The following ZC3H7A variants were observed in gnomAD, a reference collection of about 807,000 sequenced individuals.
ZC3H7A encodes zinc finger CCCH-type containing 7A, also known as zinc finger CCCH domain-containing protein 7A.
Under a neutral mutation model 125.5 loss-of-function variants are expected in ZC3H7A, and 44 were observed. That is an observed-to-expected ratio of 0.35 (90% CI 0.28 to 0.45). The LOEUF is 0.45. Ranked by LOEUF, ZC3H7A falls within the 20% of genes least tolerant of loss-of-function variation. The pLI is 1.00. For synonymous variants in ZC3H7A, 399 were observed against 391.2 expected, an observed-to-expected ratio of 1.02 and a Z score of -0.23; for missense variants, 977 against 1,170.7, an observed-to-expected ratio of 0.83 and a Z score of 2.41.
intron 12 of ZC3H7A, 110 bp downstream of exon 12, chr16:11,768,205 T>G (rs2052895587): frequency 1.8e-6 from 2 of 1,116,492 alleles, no homozygotes; most frequent in African/African-American, 3.2e-5. Flanking sequence ...AAATAGGGAT[T>G]GAAGAACCAT....
intron 21 of ZC3H7A, 188 bp from the exon 22 acceptor site, chr16:11,753,020 A>G: frequency 1.7e-6 from 1 of 586,410 alleles, no homozygotes; most frequent in Non-Finnish European, 2.9e-6. Context: ...AGGGTGACAA[A>G]TGCTGCCAGC....
At chr16:11,752,305 T>C (rs911065761) in intron 22 of ZC3H7A, among the ~76,000 whole-genome samples, 5 of 152,218 alleles carry the variant, frequency 3.3e-5, no homozygotes, top group Admixed American at 1.3e-4. Flanking sequence ...GTAAAAGCCA[T>C]TTCAAATCTG....
chr16:11,785,428 C>T (rs993368680), intron 1 of ZC3H7A, among the ~76,000 whole-genome samples: 1 of 151,980 alleles, frequency 6.6e-6, no homozygotes, highest in African/African-American at 2.4e-5. Flanking sequence ...ATGGCTTGAA[C>T]CCATGAGGTC....
Position 11,774,379 on chromosome 16 carries a change from C to A in ZC3H7A, c.760G>T (p.Ala254Ser), listed in dbSNP as rs750797587. ...SILPLQVEES[A>S]LPSAVLANGG... ...TTTGCCAGCACTGCAGATGGCAGAGCGCTCTCTTCCACTTGTAGTGGCAAA... is the reference window on the plus strand; with the variant it reads ...TTTGCCAGCACTGCAGATGGCAGAGAGCTCTCTTCCACTTGTAGTGGCAAA... Residue 254 changes from alanine to serine, a missense_variant, in exon 9 of 23, where the codon GCT becomes TCT. Around this residue, in one of 3 missense-constraint regions of ZC3H7A, gnomAD observed 342 missense variants for 311.3 expected, o/e 1.10. Coordinates refer to ENST00000355758, the MANE Select transcript of ZC3H7A (RefSeq NM_014153.4). 4.3e-6 allele frequency: 7 copies of A among 1,613,724 alleles called. No homozygotes were observed. In the African/African-American group the frequency reaches 5.3e-5, roughly 12 times the overall value.
At chr16:11,789,675 T>G (rs2141219795) in intron 1 of ZC3H7A, among the ~76,000 whole-genome samples, 1 of 152,336 alleles carries the variant, frequency 6.6e-6, no homozygotes. Flanking sequence ...GATATGGTTG[T>G]ACCATAATTT....
intron 21 of ZC3H7A, among the ~76,000 whole-genome samples, chr16:11,755,430 T>C (rs9927951): frequency 0.042 from 6,464 of 152,244 alleles, 481 homozygotes; most frequent in African/African-American, 0.15. Flanking sequence ...CTTCACTTTT[T>C]TGAAATTTTT....
chr16:11,757,939 G>A (rs1283790485), intron 20 of ZC3H7A, among the ~76,000 whole-genome samples: 1 of 152,100 alleles, frequency 6.6e-6, no homozygotes, highest in Non-Finnish European at 1.5e-5. Context: ...GGCTGTCTGC[G>A]GCTCCTCTCA....
At chr16:11,763,264 C>T (rs1219487297) in intron 16 of ZC3H7A, 6 of 370,152 alleles carry the variant, frequency 1.6e-5, no homozygotes, top group Non-Finnish European at 2.4e-5. Flanking sequence ...CCCACCACCA[C>T]GCCCGATTAA....
chr16:11,768,292 C>T, intron 12 of ZC3H7A, 23 bp downstream of exon 12: 3 of 1,444,640 alleles, frequency 2.1e-6, no homozygotes, highest in Non-Finnish European at 2.8e-6. Flanking sequence ...TTAATACTCT[C>T]TGCGTGTTTG....
Position 11,751,267 on chromosome 16 carries a change from A to G in ZC3H7A, c.*50T>C, listed in dbSNP as rs373399992. The G allele has an allele frequency of 2.9e-5, 44 of 1,540,706 alleles. 1 individual carries two copies. The highest frequency in any genetic ancestry group is 1.8e-4 in the Middle Eastern group (1 of 5,566). On this transcript the variant is annotated 3_prime_UTR_variant, in exon 23 of 23. Transcript: ENST00000355758. ...TGCTATGTGCCTCAGAACACTTTCA[A>G]TTTTTCTGGTCAATGCTCTGATTAG... is the stretch of plus-strand genomic sequence containing the variant.
chr16:11,784,574 G>A (rs895321363), intron 1 of ZC3H7A, among the ~76,000 whole-genome samples: 10 of 152,022 alleles, frequency 6.6e-5, no homozygotes, highest in Non-Finnish European at 1.5e-4. Flanking sequence ...TTTTAAAAGA[G>A]GCCGGGCGCA....
chr16:11,795,446 A>G (rs1326184117), intron 1 of ZC3H7A, among the ~76,000 whole-genome samples: 1 of 152,198 alleles, frequency 6.6e-6, no homozygotes, highest in Non-Finnish European at 1.5e-5. Flanking sequence ...GTATGTACGC[A>G]TGTATGTGGA....
chr16:11,785,091 G>A (rs879671284), intron 1 of ZC3H7A, among the ~76,000 whole-genome samples: 57 of 152,284 alleles, frequency 3.7e-4, no homozygotes, highest in Non-Finnish European at 6.6e-4. Flanking sequence ...CCGGGAGGCG[G>A]AGGTTGCAGT....
At chr16:11,771,377 G>C (rs2141190293) in intron 9 of ZC3H7A, among the ~76,000 whole-genome samples, 1 of 151,054 alleles carries the variant, frequency 6.6e-6, no homozygotes, top group South Asian at 2.1e-4. Flanking sequence ...GACAGAGCAA[G>C]ACTCCATCTC....
At chr16:11,773,216 T>C (rs2053017875) in intron 9 of ZC3H7A, among the ~76,000 whole-genome samples, 1 of 151,894 alleles carries the variant, frequency 6.6e-6, no homozygotes, top group African/African-American at 2.4e-5. Context: ...GGTCTCGCTG[T>C]GTTGCCCAGG....
intron 7 of ZC3H7A, 27 bp downstream of exon 7, chr16:11,776,293 T>C: frequency 1.9e-6 from 3 of 1,582,892 alleles, no homozygotes; most frequent in Middle Eastern, 1.9e-4. Flanking sequence ...AAAAAAAATA[T>C]AATTTTGACA....
Position 11,756,376 on chromosome 16 carries a change from G to GA in ZC3H7A, c.2429-7dup. On this transcript the variant is annotated splice_region_variant and splice_polypyrimidine_tract_variant and intron_variant, in intron 20 of 22. Coordinates refer to ENST00000355758, the MANE Select transcript of ZC3H7A (RefSeq NM_014153.4). ...AAATTGCTCCATATCTTGTACTAAA[G>GA]AAAAATGAATTACTTTCAGCAGCAG... The GA allele has an allele frequency of 2.5e-6, 4 of 1,604,556 alleles. No individual in the cohort carries two copies. Among genetic ancestry groups the GA allele is most frequent in the Non-Finnish European group, 3.4e-6 (4 of 1,177,554 alleles).
chr16:11,753,838 A>AG (rs1249272001), intron 21 of ZC3H7A: 1 of 152,142 alleles, frequency 6.6e-6, no homozygotes, highest in East Asian at 1.9e-4. Flanking sequence ...TTAGTGGAGA[A>AG]GGGGTTTCAC....
At chr16:11,763,889 C>T (rs1396955212) in intron 15 of ZC3H7A, among the ~76,000 whole-genome samples, 2 of 149,708 alleles carry the variant, frequency 1.3e-5, no homozygotes, top group Non-Finnish European at 3.0e-5. Flanking sequence ...CTGCAAGCTC[C>T]GCCTTCCGGG....
Sources: allele counts gnomAD v4.1 joint callset (sites outside exome capture counted in the v4.1 genomes callset), GRCh38; gene constraint gnomAD v4.1.1; regional missense constraint gnomAD v4.1.1; transcripts MANE v1.5; gene names NCBI Gene and HGNC (gene_info 2026-07-23, HGNC 2026-07-21).